Variants in PATJ observed in about 807,000 individuals in gnomAD.
PATJ encodes inaD-like protein.
PATJ carries 190 observed loss-of-function variants against 224.9 expected under a neutral mutation model. That is an observed-to-expected ratio of 0.84 (90% CI 0.75 to 0.95). PATJ has a LOEUF of 0.95. Among genes scored for constraint, PATJ ranks in the 40% least tolerant of loss-of-function variants. The probability of loss-of-function intolerance (pLI) is 0.00; values close to 1 mark genes in which losing one functional copy is unlikely to be tolerated. For synonymous variants in PATJ, 769 were observed against 820.3 expected, an observed-to-expected ratio of 0.94 and a Z score of 1.07; for missense variants, 2,121 against 2,270.3, an observed-to-expected ratio of 0.93 and a Z score of 1.34.
chr1:62,060,963 A>G (rs1655327781), intron 31 of PATJ, among the ~76,000 whole-genome samples: 2 of 152,130 alleles, frequency 1.3e-5, no homozygotes, highest in African/African-American at 4.8e-5. Flanking sequence ...AAGTGCTGGG[A>G]TTACAGGAGT....
At chr1:61,896,630 G>A (rs1286852870) in intron 22 of PATJ, among the ~76,000 whole-genome samples, 1 of 152,086 alleles carries the variant, frequency 6.6e-6, no homozygotes. Context: ...AGCCAGGGTG[G>A]AATGATATGG....
At chr1:61,936,178 A>T (rs1265251627) in intron 27 of PATJ, among the ~76,000 whole-genome samples, 1 of 151,844 alleles carries the variant, frequency 6.6e-6, no homozygotes, top group African/African-American at 2.4e-5. Context: ...CCTACTCATT[A>T]GCAGTCACTC....
Position 62,033,249 on chromosome 1 carries a change from A to G in PATJ, c.3960-4728A>G, listed in dbSNP as rs1300783860. 3.3e-5 allele frequency among the ~76,000 whole-genome samples: 5 copies of G among 152,232 alleles called. No homozygotes were observed. The East Asian group carries it at 9.6e-4, about 29-fold the overall frequency. ...ATATTTGTTAAATAAAGAAATGTAT[A>G]TATTCAAAATAAAATCAAAGCTATG... On this transcript the variant is annotated intron_variant, in intron 29 of 43. Transcript: ENST00000642238.
chr1:61,877,284 G>A (rs1039419416), intron 21 of PATJ, among the ~76,000 whole-genome samples: 1 of 148,192 alleles, frequency 6.7e-6, no homozygotes, highest in Non-Finnish European at 1.5e-5. Context: ...TTGCTAAGTT[G>A]TATAGTAACC....
At chr1:61,807,194 G>A (rs1286560891) in intron 13 of PATJ, among the ~76,000 whole-genome samples, 1 of 152,014 alleles carries the variant, frequency 6.6e-6, no homozygotes, top group African/African-American at 2.4e-5. Flanking sequence ...ACATTTTTTT[G>A]AGAGACAGGG....
chr1:61,899,326 T>C (rs1170447980), intron 22 of PATJ, among the ~76,000 whole-genome samples: 1 of 152,164 alleles, frequency 6.6e-6, no homozygotes, highest in Non-Finnish European at 1.5e-5. Flanking sequence ...ACGCAAACTT[T>C]TAGTGTCTAG....
At chr1:61,747,415 C>T (rs998852460) in intron 1 of PATJ, among the ~76,000 whole-genome samples, 2 of 152,166 alleles carry the variant, frequency 1.3e-5, no homozygotes, top group Non-Finnish European at 2.9e-5. Context: ...TACCATATAA[C>T]GCTTGACAAG....
At chr1:61,958,640 G>A (rs1370666156) in intron 27 of PATJ, among the ~76,000 whole-genome samples, 3 of 151,874 alleles carry the variant, frequency 2.0e-5, no homozygotes, top group Non-Finnish European at 4.4e-5. Flanking sequence ...CCCTATATAC[G>A]GCCTCAAATA....
rs538615511 is a variant in PATJ, at chr1:62,018,736, A to G, written c.3959+789A>G. Among the ~76,000 whole-genome samples the G allele has an allele frequency of 1.3e-5, 2 of 152,318 alleles. No homozygotes were observed. The highest frequency in any genetic ancestry group is 4.1e-4 in the South Asian group (2 of 4,824). On this transcript the variant is annotated intron_variant, in intron 29 of 43. Transcript: ENST00000642238. This position sits in a 1 kb window ranked among gnomAD's most constrained non-coding sequence, Gnocchi z 4.2. ...GATATTTCAGAAATTGAAAATGCTC[A>G]ATACAACATCTAGCATAGAGTAAGG... is the stretch of plus-strand genomic sequence containing the variant.
At chr1:61,856,899 T>C (rs1185171517) in intron 18 of PATJ, among the ~76,000 whole-genome samples, 1 of 152,222 alleles carries the variant, frequency 6.6e-6, no homozygotes, top group Non-Finnish European at 1.5e-5. Context: ...GCTATTCTTA[T>C]ATGTAAATTA....
intron 21 of PATJ, among the ~76,000 whole-genome samples, chr1:61,881,030 G>A (rs1668018646): frequency 6.6e-6 from 1 of 152,176 alleles, no homozygotes; most frequent in South Asian, 2.1e-4. Context: ...GGAGGCGGAG[G>A]TTGCAGTGAG....
chr1:61,827,292 CGAG>C, intron 15 of PATJ, 127 bp from the exon 16 acceptor site: 2 of 682,710 alleles, frequency 2.9e-6, no homozygotes, highest in Non-Finnish European at 4.8e-6. Context: ...ATGATGAAAG[CGAG>C]GCCCCTTGTT....
chr1:61,795,449 ATGTC>A lies in PATJ; in HGVS notation c.1169-14_1169-11del. 6.8e-7 allele frequency: 1 copy of A among 1,473,930 alleles called. No individual in the cohort carries two copies. Among genetic ancestry groups the A allele is most frequent in the South Asian group, 1.3e-5 (1 of 77,548 alleles). The allele number at this position is 1,473,930 out of a possible 1,614,324, so 91.3% of individuals were successfully genotyped here. On this transcript the variant is annotated splice_polypyrimidine_tract_variant and intron_variant, in intron 9 of 43. Coordinates refer to ENST00000642238, the MANE Select transcript of PATJ (RefSeq NM_001350145.3). ...ATTAGAATTTTCTTCCTTTTTCCGTATGTCTGTGCACCTTAAGGGGAAGCTTCAG... is the reference window on the plus strand; with the variant it reads ...ATTAGAATTTTCTTCCTTTTTCCGTATGTGCACCTTAAGGGGAAGCTTCAG...
chr1:62,158,943 CCTT>C (rs1396754893), intron 43 of PATJ, among the ~76,000 whole-genome samples: 1 of 151,926 alleles, frequency 6.6e-6, no homozygotes, highest in Non-Finnish European at 1.5e-5. Context: ...GAGTGAAACT[CCTT>C]CTCAAAAAAA....
intron 9 of PATJ, among the ~76,000 whole-genome samples, chr1:61,795,099 T>TAAAAAAAAAA: frequency 9.9e-6 from 1 of 101,204 alleles, no homozygotes; most frequent in Non-Finnish European, 1.9e-5. Flanking sequence ...ATAGTGATGG[T>TAAAAAAAAAA]AAAAAAAAAA....
At position 61,889,682 on chromosome 1, in the gene PATJ, G is replaced by T. The variant is rs955026809; in HGVS notation, c.3131+5274G>T. Among the ~76,000 whole-genome samples, 3 of 152,336 alleles carry T rather than the reference G, an allele frequency of 2.0e-5. No homozygotes were observed. The South Asian group carries it at 6.2e-4, about 32-fold the overall frequency. On this transcript the variant is annotated intron_variant, in intron 22 of 43. Coordinates refer to ENST00000642238, the MANE Select transcript of PATJ (RefSeq NM_001350145.3). The stretch of plus-strand genomic sequence containing the variant: ...GCGCAGGCAGCATATATAGCGTATG[G>T]ATATGCTGGGCAAAGAGATGATTCA...
intron 16 of PATJ, among the ~76,000 whole-genome samples, chr1:61,831,144 C>T (rs531064712): frequency 6.1e-5 from 9 of 147,688 alleles, no homozygotes; most frequent in African/African-American, 1.8e-4. Flanking sequence ...GCTGAGATGG[C>T]GCCACTGCAC....
chr1:62,046,420 C>G (rs892410321), intron 30 of PATJ, among the ~76,000 whole-genome samples: 2 of 152,306 alleles, frequency 1.3e-5, no homozygotes, highest in East Asian at 1.9e-4. Flanking sequence ...TTCCAACTTC[C>G]TTTTTGCCTG....
intron 31 of PATJ, among the ~76,000 whole-genome samples, chr1:62,062,490 CTTTTTTTTTTTTTTT>C (rs139480388): frequency 2.8e-5 from 1 of 35,804 alleles, no homozygotes; most frequent in Admixed American, 4.4e-4. Flanking sequence ...CCACAGCAAC[CTTTTTTTTTTTTTTT>C]TTTTTTTTTT....
Sources: allele counts gnomAD v4.1 joint callset (sites outside exome capture counted in the v4.1 genomes callset), GRCh38; gene constraint gnomAD v4.1.1; non-coding constraint Gnocchi (gnomAD v3.1); transcripts MANE v1.5; gene names NCBI Gene and HGNC (gene_info 2026-07-23, HGNC 2026-07-21).